UCHL3: variants seen among roughly 807,000 people sequenced by gnomAD.
The protein encoded by UCHL3 is ubiquitin C-terminal hydrolase L3.
A neutral mutation model predicts 35.8 loss-of-function variants in UCHL3; 22 were observed. The ratio of observed to expected loss-of-function variants is 0.61; its 90% CI spans 0.44 to 0.88. The LOEUF is 0.88. Among genes scored for constraint, UCHL3 ranks in the 40% least tolerant of loss-of-function variants. The pLI is 0.00. For synonymous variants in UCHL3, 90 were observed against 92.8 expected, an observed-to-expected ratio of 0.97 and a Z score of 0.17; for missense variants, 229 against 276.9, an observed-to-expected ratio of 0.83 and a Z score of 1.23.
At chr13:75,571,164 G>T (rs559403870) in intron 6 of UCHL3, among the ~76,000 whole-genome samples, 8 of 152,282 alleles carry the variant, frequency 5.3e-5, no homozygotes, top group Non-Finnish European at 1.0e-4. Context: ...GAGGATCAGC[G>T]TAAGTTTATT....
intron 6 of UCHL3, among the ~76,000 whole-genome samples, chr13:75,592,437 T>TACATAC (rs1566227988): frequency 5.1e-5 from 3 of 59,242 alleles, no homozygotes; most frequent in African/African-American, 2.2e-4. Flanking sequence ...TATATATATA[T>TACATAC]ATATATATAT....
chr13:75,576,414 AG>A (rs1428687708), intron 6 of UCHL3, among the ~76,000 whole-genome samples: 1 of 151,844 alleles, frequency 6.6e-6, no homozygotes, highest in African/African-American at 2.4e-5. Flanking sequence ...TATTTTTAGT[AG>A]AGACAGGGTT....
At chr13:75,591,787 A>C (rs2032483536) in intron 6 of UCHL3, among the ~76,000 whole-genome samples, 1 of 152,076 alleles carries the variant, frequency 6.6e-6, no homozygotes, top group South Asian at 2.1e-4. Flanking sequence ...TATATTACGT[A>C]CCTTATTGGG....
At chr13:75,550,375 A>T (rs535105760) in intron 2 of UCHL3, among the ~76,000 whole-genome samples, 3 of 152,060 alleles carry the variant, frequency 2.0e-5, no homozygotes. Flanking sequence ...CCTGACTCCA[A>T]GCTTTGTAAA....
intron 6 of UCHL3, among the ~76,000 whole-genome samples, chr13:75,581,243 A>T (rs1277816540): frequency 6.8e-6 from 1 of 147,354 alleles, no homozygotes; most frequent in Non-Finnish European, 1.5e-5. Context: ...TTTAAATGAG[A>T]AAATGCTTTG....
chr13:75,571,799 G>T (rs1490807228), intron 6 of UCHL3, among the ~76,000 whole-genome samples: 1 of 151,974 alleles, frequency 6.6e-6, no homozygotes. Flanking sequence ...AATCTTTTCT[G>T]CTCCTTTCCC....
chr13:75,587,561 G>T (rs1271209857), intron 6 of UCHL3, among the ~76,000 whole-genome samples: 1 of 152,060 alleles, frequency 6.6e-6, no homozygotes, highest in Non-Finnish European at 1.5e-5. Context: ...ATCTTCAAAT[G>T]ATTCAGGAAA....
At chr13:75,596,216 C>A (rs1010634269) in intron 7 of UCHL3, among the ~76,000 whole-genome samples, 1 of 151,990 alleles carries the variant, frequency 6.6e-6, no homozygotes, top group African/African-American at 2.4e-5. Flanking sequence ...TCAAAGGGGA[C>A]AAGGAAAAGA....
At chr13:75,591,808 TTGAGTATCTC>T (rs1306346255) in intron 6 of UCHL3, among the ~76,000 whole-genome samples, 1 of 152,136 alleles carries the variant, frequency 6.6e-6, no homozygotes, top group Non-Finnish European at 1.5e-5. Flanking sequence ...TTTATACAGG[TTGAGTATCTC>T]TTATCCAAAA....
intron 2 of UCHL3, among the ~76,000 whole-genome samples, chr13:75,550,654 A>G (rs1186908556): frequency 3.3e-5 from 5 of 151,058 alleles, no homozygotes; most frequent in African/African-American, 1.2e-4. Context: ...TCTCCCAGCC[A>G]CTCAGAAGAG....
At chr13:75,602,700 G>A (rs922008702) in intron 7 of UCHL3, among the ~76,000 whole-genome samples, 1 of 152,114 alleles carries the variant, frequency 6.6e-6, no homozygotes, top group Non-Finnish European at 1.5e-5. Flanking sequence ...TAGGTTTTGT[G>A]GGCTACATAC....
intron 3 of UCHL3, among the ~76,000 whole-genome samples, chr13:75,566,390 T>A (rs981446237): frequency 2.0e-5 from 3 of 152,218 alleles, no homozygotes; most frequent in African/African-American, 7.2e-5. Context: ...AATTGCTTAT[T>A]GGAGTGTATG....
intron 6 of UCHL3, among the ~76,000 whole-genome samples, chr13:75,580,987 G>A (rs1024639228): frequency 3.9e-5 from 6 of 152,186 alleles, no homozygotes; most frequent in Non-Finnish European, 7.3e-5. Context: ...TAGTCATTCA[G>A]AGTTGTGCCG....
At chr13:75,589,839 A>G in intron 6 of UCHL3, 1 of 936,302 alleles carries the variant, frequency 1.1e-6, no homozygotes, top group Non-Finnish European at 1.4e-6. Flanking sequence ...AAAATAGTAG[A>G]CCATATGAAT....
At position 75,561,833 on chromosome 13, in the gene UCHL3, ATATACG is replaced by A. The variant is rs1329170179; in HGVS notation, c.183+964_183+969del. 2.1e-3 allele frequency among the ~76,000 whole-genome samples: 158 copies of A among 74,762 alleles called. 1 individual carries two copies. The highest frequency in any genetic ancestry group is 5.1e-3 in the African/African-American group (147 of 28,812). 49.0% of individuals were successfully genotyped at this position (74,762 alleles called of 152,430 possible). ...CATACGTATACGTATATACGTACGT[ATATACG>A]TATACGTATACATACGTATACATAT... On this transcript the variant is annotated intron_variant, in intron 3 of 8. Transcript: ENST00000377595.
chr13:75,549,881 A>G lies in UCHL3; in HGVS notation c.42+19A>G, dbSNP rs1444585802. The stretch of plus-strand genomic sequence containing the variant: ...TCCCGAGGTGGGCGCGCTTCGGGGC[A>G]GCCCTGGGCCGTGGGCAGGTGCAGA... On this transcript the variant is annotated intron_variant, in intron 1 of 8. Transcript: ENST00000377595. 1.2e-6 allele frequency: 2 copies of G among 1,612,270 alleles called. No homozygotes were observed. Among genetic ancestry groups the G allele is most frequent in the Non-Finnish European group, 1.7e-6 (2 of 1,179,152 alleles).
chr13:75,557,961 ATT>A (rs201586247), intron 2 of UCHL3, among the ~76,000 whole-genome samples: 75,666 of 139,994 alleles, frequency 0.54, 21,486 homozygotes, highest in Non-Finnish European at 0.66. Flanking sequence ...CATTTTAATG[ATT>A]TTTTTTTTTT....
rs1169558674 is a variant in UCHL3, at chr13:75,566,754, A to G, written c.243A>G (p.Thr81=). The change falls in exon 4 of 9, where the codon ACA becomes ACG. Residue 81 remains threonine, a synonymous_variant. Coordinates refer to ENST00000377595, the MANE Select transcript of UCHL3 (RefSeq NM_006002.5). ...EKIKSQGQDV[T]SSVYFMKQTI... ...TAAAATCTCAGGGACAAGATGTTACATCATCAGTATATTTCATGAAGCAAA... is the reference window on the plus strand; with the variant it reads ...TAAAATCTCAGGGACAAGATGTTACGTCATCAGTATATTTCATGAAGCAAA... The G allele has an allele frequency of 1.2e-6, 2 of 1,610,056 alleles. No homozygotes were observed. Among genetic ancestry groups the G allele is most frequent in the Non-Finnish European group, 8.5e-7 (1 of 1,178,206 alleles).
At chr13:75,596,146 G>A (rs1197291294) in intron 7 of UCHL3, among the ~76,000 whole-genome samples, 2 of 152,128 alleles carry the variant, frequency 1.3e-5, no homozygotes, top group Non-Finnish European at 2.9e-5. Flanking sequence ...AATTTAGGTG[G>A]ATTTTGTGTT....
Sources: gnomAD v4.1 joint callset for allele counts (sites outside exome capture counted in the v4.1 genomes callset) on GRCh38, gnomAD v4.1.1 for gene constraint, MANE v1.5 for transcripts, NCBI Gene and HGNC (gene_info 2026-07-23, HGNC 2026-07-21) for gene names.